Variants in KIF26B observed in about 807,000 individuals in gnomAD.
KIF26B encodes kinesin family member 26B.
A neutral mutation model predicts 151.2 loss-of-function variants in KIF26B; 63 were observed. The ratio of observed to expected loss-of-function variants is 0.42; its 90% CI spans 0.34 to 0.51. KIF26B has a LOEUF of 0.51. Ranked by LOEUF, KIF26B falls within the 20% of genes least tolerant of loss-of-function variation. The pLI is 0.07. For missense variants in KIF26B, 2,813 were observed against 2,913.6 expected (o/e 0.97, Z 0.79); for synonymous variants, 1,357 against 1,262.1 (o/e 1.08, Z -1.59).
chr1:245,288,962 C>G (rs1671211372), intron 2 of KIF26B, among the ~76,000 whole-genome samples: 1 of 152,054 alleles, frequency 6.6e-6, no homozygotes, highest in Non-Finnish European at 1.5e-5. Flanking sequence ...CCTTCCATGC[C>G]TATGACACAG....
chr1:245,392,196 C>T (rs1284690602), intron 3 of KIF26B, among the ~76,000 whole-genome samples: 1 of 152,164 alleles, frequency 6.6e-6, no homozygotes, highest in Non-Finnish European at 1.5e-5. Flanking sequence ...AATTACGAAA[C>T]ATGAAGGGGT....
At position 245,524,946 on chromosome 1, in the gene KIF26B, G is replaced by T. The variant is rs529095300; in HGVS notation, c.1167-15821G>T. ...TTCTCTGTCTTTTTTGGTCTCTCAG[G>T]GGCATTTAACATTCTTAGCCACTTG... On this transcript the variant is annotated intron_variant, in intron 4 of 14. Coordinates refer to ENST00000407071, the MANE Select transcript of KIF26B (RefSeq NM_018012.4). 3.9e-5 allele frequency among the ~76,000 whole-genome samples: 6 copies of T among 151,980 alleles called. No homozygotes were observed. The East Asian group carries it at 9.7e-4, about 25-fold the overall frequency.
intron 3 of KIF26B, among the ~76,000 whole-genome samples, chr1:245,376,986 C>T (rs573121164): frequency 1.4e-4 from 22 of 152,254 alleles, no homozygotes; most frequent in African/African-American, 5.3e-4. Flanking sequence ...CTGTGCCTGG[C>T]TCACTGCAAC....
intron 9 of KIF26B, among the ~76,000 whole-genome samples, chr1:245,643,008 A>C (rs10924271): frequency 0.17 from 26,101 of 152,078 alleles, 2,508 homozygotes; most frequent in Middle Eastern, 0.24. Flanking sequence ...TAGGTCTTTG[A>C]CTGTCTTCAG....
chr1:245,281,218 C>A (rs1671043090), intron 2 of KIF26B, among the ~76,000 whole-genome samples: 1 of 73,932 alleles, frequency 1.4e-5, no homozygotes, highest in Non-Finnish European at 2.5e-5. Context: ...TACAGTCCCA[C>A]CAACAGTGTA....
intron 3 of KIF26B, among the ~76,000 whole-genome samples, chr1:245,408,323 C>T (rs1338530849): frequency 6.7e-6 from 1 of 150,272 alleles, no homozygotes; most frequent in Non-Finnish European, 1.5e-5. Flanking sequence ...ATTATGATCA[C>T]TCATTCAAAT....
intron 2 of KIF26B, among the ~76,000 whole-genome samples, chr1:245,258,557 GA>G (rs1670580790): frequency 6.6e-6 from 1 of 152,164 alleles, no homozygotes; most frequent in Non-Finnish European, 1.5e-5. Flanking sequence ...CCATAAAATA[GA>G]GACTAAAATG....
At chr1:245,368,536 G>A (rs1295598018) in intron 3 of KIF26B, among the ~76,000 whole-genome samples, 1 of 152,142 alleles carries the variant, frequency 6.6e-6, no homozygotes, top group African/African-American at 2.4e-5. Context: ...GTCATGGTGG[G>A]TGTTTGGTAG....
At position 245,667,964 on chromosome 1, in the gene KIF26B, C is replaced by G. The variant is rs531950537; in HGVS notation, c.2259-16269C>G. Among the ~76,000 whole-genome samples the G allele has an allele frequency of 1.3e-5, 2 of 152,312 alleles. No homozygotes were observed. Among genetic ancestry groups the G allele is most frequent in the South Asian group, 2.1e-4 (1 of 4,820 alleles). On this transcript the variant is annotated intron_variant, in intron 10 of 14. Coordinates refer to ENST00000407071, the MANE Select transcript of KIF26B (RefSeq NM_018012.4). The surrounding 1 kb of genome is among the most constrained non-coding windows in gnomAD (Gnocchi z 4.3). ...GGAGTGCAGTGCAGTGGCGCAATCTCAGCTCACTGCAACTTCCACCTCCCA... is the reference window on the plus strand; with the variant it reads ...GGAGTGCAGTGCAGTGGCGCAATCTGAGCTCACTGCAACTTCCACCTCCCA...
intron 2 of KIF26B, among the ~76,000 whole-genome samples, chr1:245,193,517 T>G (rs1007391134): frequency 1.3e-4 from 20 of 151,770 alleles, no homozygotes; most frequent in African/African-American, 4.6e-4. Context: ...TTAAATAACC[T>G]TTTTTCAAAA....
At chr1:245,188,813 G>GT (rs1443296542) in intron 2 of KIF26B, among the ~76,000 whole-genome samples, 1 of 152,220 alleles carries the variant, frequency 6.6e-6, no homozygotes, top group African/African-American at 2.4e-5. Flanking sequence ...GAACAGCCCA[G>GT]TGTCCATCAT....
intron 10 of KIF26B, among the ~76,000 whole-genome samples, chr1:245,679,430 G>T (rs2044398928): frequency 6.7e-6 from 1 of 148,376 alleles, no homozygotes; most frequent in Non-Finnish European, 1.5e-5. Flanking sequence ...TAAAAATCTG[G>T]GGGTTTTTTG....
intron 10 of KIF26B, among the ~76,000 whole-genome samples, chr1:245,657,890 A>G (rs903347846): frequency 2.6e-5 from 4 of 152,176 alleles, no homozygotes; most frequent in African/African-American, 9.7e-5. Flanking sequence ...CAGTCTATAG[A>G]ATGACAAAAA....
At chr1:245,486,582 C>T (rs1273769513) in intron 4 of KIF26B, among the ~76,000 whole-genome samples, 1 of 152,162 alleles carries the variant, frequency 6.6e-6, no homozygotes, top group African/African-American at 2.4e-5. Context: ...GTGCTCACAG[C>T]AATCCAGTAA....
In KIF26B at chr1:245,646,303, G is replaced by T. The variant is rs1198372962; in HGVS notation, c.2258+23G>T. The T allele has an allele frequency of 2.5e-6, 4 of 1,611,234 alleles. No individual in the cohort carries two copies. In the African/African-American group the frequency reaches 5.3e-5, roughly 22 times the overall value. On this transcript the variant is annotated intron_variant, in intron 10 of 14. Coordinates refer to ENST00000407071, the MANE Select transcript of KIF26B (RefSeq NM_018012.4). ...CAAGTAAGTGACTCTTCTACTCAAA[G>T]AATGTGGTGGGGTAAGCATGGTGTG...
chr1:245,344,246 C>T (rs1672394536), intron 2 of KIF26B, among the ~76,000 whole-genome samples: 1 of 151,776 alleles, frequency 6.6e-6, no homozygotes, highest in African/African-American at 2.4e-5. Context: ...TCCTCCCTCT[C>T]TCCTTTCTTT....
intron 2 of KIF26B, among the ~76,000 whole-genome samples, chr1:245,217,592 A>AC (rs1669674499): frequency 6.6e-6 from 1 of 151,378 alleles, no homozygotes; most frequent in Admixed American, 6.6e-5. Context: ...CTGGTCTCGA[A>AC]CTCCTGACCT....
intron 4 of KIF26B, among the ~76,000 whole-genome samples, chr1:245,490,497 G>C (rs1002899984): frequency 1.3e-5 from 2 of 151,934 alleles, no homozygotes; most frequent in South Asian, 2.1e-4. Flanking sequence ...ATTTTTACTA[G>C]AGACAGGGTT....
intron 8 of KIF26B, among the ~76,000 whole-genome samples, chr1:245,611,248 A>G (rs189967681): frequency 1.3e-5 from 2 of 152,338 alleles, no homozygotes; most frequent in Non-Finnish European, 2.9e-5. Context: ...CTATGCTAGT[A>G]AATATGGCCT....
Sources: allele counts gnomAD v4.1 joint callset (sites outside exome capture counted in the v4.1 genomes callset), GRCh38; gene constraint gnomAD v4.1.1; non-coding constraint Gnocchi (gnomAD v3.1); transcripts MANE v1.5; gene names NCBI Gene and HGNC (gene_info 2026-07-23, HGNC 2026-07-21).